Variants in LHFPL3 observed in about 807,000 individuals in gnomAD.
LHFPL3 encodes the protein LHFPL tetraspan subfamily member 3 protein.
In LHFPL3, 5 loss-of-function variants were observed where a neutral mutation model predicts 19.3. The ratio of observed to expected loss-of-function variants is 0.26; its 90% CI spans 0.14 to 0.54. The LOEUF (loss-of-function observed/expected upper bound fraction) is 0.54, where lower values mean the gene tolerates loss of function less well. LHFPL3 is among the 20% of genes least tolerant of loss of function. The probability of loss-of-function intolerance (pLI) is 0.94; values close to 1 mark genes in which losing one functional copy is unlikely to be tolerated. For synonymous variants in LHFPL3, 133 were observed against 126.2 expected (o/e 1.05, Z -0.36); for missense variants, 249 against 307.4 (o/e 0.81, Z 1.42).
At chr7:104,727,143 G>A (rs1015329120) in intron 1 of LHFPL3, among the ~76,000 whole-genome samples, 6 of 152,122 alleles carry the variant, frequency 3.9e-5, no homozygotes, top group Non-Finnish European at 5.9e-5. Context: ...AGAAGTGTCT[G>A]TTCATATCCT....
chr7:104,349,572 T>C (rs1013094416), intron 1 of LHFPL3, among the ~76,000 whole-genome samples: 1 of 152,246 alleles, frequency 6.6e-6, no homozygotes, highest in Non-Finnish European at 1.5e-5. Flanking sequence ...TGGTAACTGC[T>C]ATTTTATTAA....
At chr7:104,807,914 T>A (rs1054238923) in intron 2 of LHFPL3, among the ~76,000 whole-genome samples, 23 of 152,228 alleles carry the variant, frequency 1.5e-4, no homozygotes, top group Non-Finnish European at 3.1e-4. Context: ...TGGACATTCT[T>A]TAGAAGAAAT....
chr7:104,739,103 G>A (rs1291261951), intron 2 of LHFPL3: 1 of 152,150 alleles, frequency 6.6e-6, no homozygotes, highest in Non-Finnish European at 1.5e-5. Flanking sequence ...CAGACTCTGA[G>A]AAGATGTAAA....
chr7:104,562,221 C>T (rs1299600771), intron 1 of LHFPL3, among the ~76,000 whole-genome samples: 6 of 151,680 alleles, frequency 4.0e-5, no homozygotes, highest in Admixed American at 6.6e-5. Flanking sequence ...TGAATCTGAA[C>T]GTTGGCCTGC....
chr7:104,578,331 G>A (rs994772772), intron 1 of LHFPL3, among the ~76,000 whole-genome samples: 10 of 152,168 alleles, frequency 6.6e-5, no homozygotes, highest in African/African-American at 2.4e-4. Flanking sequence ...CTCTTCAGGA[G>A]GCATTTGAAC....
At chr7:104,486,536 A>C (rs1793240732) in intron 1 of LHFPL3, among the ~76,000 whole-genome samples, 2 of 152,164 alleles carry the variant, frequency 1.3e-5, no homozygotes, top group East Asian at 3.9e-4. Context: ...AGGAGTGAGG[A>C]GTCTCTCTCA....
At chr7:104,375,795 C>T (rs1054066536) in intron 1 of LHFPL3, among the ~76,000 whole-genome samples, 3 of 152,190 alleles carry the variant, frequency 2.0e-5, no homozygotes, top group African/African-American at 7.2e-5. Flanking sequence ...GCCTGGGCTA[C>T]TATTTCTCTT....
chr7:104,528,883 C>T (rs1401336438), intron 1 of LHFPL3, among the ~76,000 whole-genome samples: 3 of 152,060 alleles, frequency 2.0e-5, no homozygotes, highest in African/African-American at 4.8e-5. Flanking sequence ...ATAGGAAATC[C>T]AACTCAAACT....
chr7:104,705,297 C>G (rs1157467140), intron 1 of LHFPL3, among the ~76,000 whole-genome samples: 1 of 152,100 alleles, frequency 6.6e-6, no homozygotes, highest in African/African-American at 2.4e-5. Context: ...TTTTAAGTCT[C>G]TAGCCTCCAA....
At chr7:104,561,059 A>G (rs967787130) in intron 1 of LHFPL3, among the ~76,000 whole-genome samples, 3 of 151,670 alleles carry the variant, frequency 2.0e-5, no homozygotes, top group African/African-American at 7.3e-5. Flanking sequence ...GTTTGTTATA[A>G]TTTCTGTTCT....
intron 1 of LHFPL3, among the ~76,000 whole-genome samples, chr7:104,468,455 C>T (rs937181425): frequency 6.6e-6 from 1 of 152,066 alleles, no homozygotes; most frequent in Non-Finnish European, 1.5e-5. Flanking sequence ...CCAAGGTTTT[C>T]AGAAAGAAAG....
chr7:104,807,011 ATGTGTGTGTGTGTGTGTGTGTGTGTG>A (rs10665231), intron 2 of LHFPL3, among the ~76,000 whole-genome samples: 2 of 139,672 alleles, frequency 1.4e-5, no homozygotes, highest in Non-Finnish European at 3.1e-5. Flanking sequence ...CAAAATATAT[ATGTGTGTGTGTGTGTGTGTGTGTGTG>A]TGTGTGTGTG....
At chr7:104,828,634 ATTC>A (rs902504848) in intron 2 of LHFPL3, among the ~76,000 whole-genome samples, 2 of 152,152 alleles carry the variant, frequency 1.3e-5, no homozygotes, top group Admixed American at 6.5e-5. Context: ...CAGGCCTCTT[ATTC>A]TTCAACCTCA....
chr7:104,521,028 A>C (rs561049317), intron 1 of LHFPL3, among the ~76,000 whole-genome samples: 4 of 151,564 alleles, frequency 2.6e-5, no homozygotes, highest in African/African-American at 9.7e-5. Flanking sequence ...TAGTTCTTTT[A>C]ATTGTGATGT....
chr7:104,896,594 G>C (rs1037270557), intron 2 of LHFPL3, among the ~76,000 whole-genome samples: 24 of 152,364 alleles, frequency 1.6e-4, no homozygotes, highest in African/African-American at 5.8e-4. Flanking sequence ...GAAAACTGGA[G>C]GAAGGGCTTT....
chr7:104,474,705 A>G (rs999001854), intron 1 of LHFPL3, among the ~76,000 whole-genome samples: 9 of 151,206 alleles, frequency 6.0e-5, no homozygotes, highest in Non-Finnish European at 7.4e-5. Context: ...AAAAAAAAAA[A>G]AAAGAAAGGG....
At chr7:104,402,183 G>C (rs990584171) in intron 1 of LHFPL3, among the ~76,000 whole-genome samples, 5 of 151,798 alleles carry the variant, frequency 3.3e-5, no homozygotes, top group African/African-American at 7.3e-5. Context: ...CACTGAAAGT[G>C]CTGCAAGTTT....
At chr7:104,887,334 A>C (rs1030712835) in intron 2 of LHFPL3, among the ~76,000 whole-genome samples, 2 of 152,248 alleles carry the variant, frequency 1.3e-5, no homozygotes, top group African/African-American at 4.8e-5. Flanking sequence ...TTGTACGTAG[A>C]GATCCCAGAA....
chr7:104,869,899 T>C (rs1475942398), intron 2 of LHFPL3, among the ~76,000 whole-genome samples: 1 of 152,196 alleles, frequency 6.6e-6, no homozygotes, highest in African/African-American at 2.4e-5. Context: ...CACCGTGGAA[T>C]AGTATGCAGC....
Sources: gnomAD v4.1 joint callset for allele counts (sites outside exome capture counted in the v4.1 genomes callset) on GRCh38, gnomAD v4.1.1 for gene constraint, MANE v1.5 for transcripts, NCBI Gene and HGNC (gene_info 2026-07-23, HGNC 2026-07-21) for gene names.